DOCK3: variants seen among roughly 807,000 people sequenced by gnomAD.
DOCK3 encodes the protein dedicator of cytokinesis protein 3.
In DOCK3, 60 loss-of-function variants were observed where a neutral mutation model predicts 265.6. That is an observed-to-expected ratio of 0.23 (90% CI 0.18 to 0.28). DOCK3 has a LOEUF of 0.28. Ranked by LOEUF, DOCK3 falls within the 10% of genes least tolerant of loss-of-function variation. DOCK3 has a pLI of 1.00. For missense variants in DOCK3, 1,981 were observed against 2,594.3 expected (o/e 0.76, Z 5.14); for synonymous variants, 881 against 938.0 (o/e 0.94, Z 1.11).
chr3:50,701,868 T>C (rs1472672180), intron 1 of DOCK3, among the ~76,000 whole-genome samples: 3 of 152,202 alleles, frequency 2.0e-5, no homozygotes, highest in Non-Finnish European at 4.4e-5. Flanking sequence ...GAAAATCAGT[T>C]GGCTGTAAAT....
At chr3:51,235,034 G>A (rs142110614) in intron 19 of DOCK3, among the ~76,000 whole-genome samples, 31 of 152,276 alleles carry the variant, frequency 2.0e-4, no homozygotes, top group Admixed American at 1.4e-3. Flanking sequence ...CATCACAAGC[G>A]TCAAATGAAT....
chr3:50,697,869 G>A, intron 1 of DOCK3, among the ~76,000 whole-genome samples: 1 of 151,958 alleles, frequency 6.6e-6, no homozygotes, highest in South Asian at 2.1e-4. Context: ...ATTATATTTG[G>A]TCTTAGGTCC....
chr3:50,726,392 T>C (rs1258721605), intron 1 of DOCK3, among the ~76,000 whole-genome samples: 2 of 152,036 alleles, frequency 1.3e-5, no homozygotes, highest in East Asian at 1.9e-4. Context: ...CTTTGTAAAG[T>C]GTATATTGGA....
At chr3:50,848,093 T>C (rs2046178170) in intron 3 of DOCK3, among the ~76,000 whole-genome samples, 1 of 152,070 alleles carries the variant, frequency 6.6e-6, no homozygotes, top group African/African-American at 2.4e-5. Flanking sequence ...TAAAGTCTCT[T>C]TTATCTGATA....
intron 5 of DOCK3, among the ~76,000 whole-genome samples, chr3:50,970,937 A>ATATATATG (rs2077203666): frequency 1.4e-5 from 1 of 73,104 alleles, no homozygotes; most frequent in Non-Finnish European, 2.6e-5. Flanking sequence ...ATATATATAT[A>ATATATATG]TATATATATA....
At chr3:51,249,983 C>T (rs2079111349) in intron 22 of DOCK3, among the ~76,000 whole-genome samples, 1 of 151,806 alleles carries the variant, frequency 6.6e-6, no homozygotes, top group African/African-American at 2.4e-5. Flanking sequence ...ACCCCCAACC[C>T]TGTGCTCTCT....
At chr3:50,963,290 A>G (rs1233839829) in intron 5 of DOCK3, among the ~76,000 whole-genome samples, 1 of 152,204 alleles carries the variant, frequency 6.6e-6, no homozygotes, top group South Asian at 2.1e-4. Context: ...CAGTGCCTGA[A>G]AAGTTTTGCA....
chr3:50,740,294 A>T (rs571941986), intron 1 of DOCK3, among the ~76,000 whole-genome samples: 1 of 152,052 alleles, frequency 6.6e-6, no homozygotes, highest in Non-Finnish European at 1.5e-5. Flanking sequence ...ATTATTACCA[A>T]TTTTTTTGCT....
chr3:51,218,897 A>G (rs1036214014), intron 14 of DOCK3, among the ~76,000 whole-genome samples: 1 of 152,140 alleles, frequency 6.6e-6, no homozygotes, highest in Non-Finnish European at 1.5e-5. Context: ...GGGACCTGGC[A>G]ATTTGCATCT....
chr3:51,059,031 G>A (rs576376899), intron 5 of DOCK3, among the ~76,000 whole-genome samples: 1 of 152,178 alleles, frequency 6.6e-6, no homozygotes, highest in African/African-American at 2.4e-5. Flanking sequence ...CCTCACACGG[G>A]TAGTGAACAT....
At chr3:51,109,461 T>C (rs1325433210) in intron 9 of DOCK3, among the ~76,000 whole-genome samples, 1 of 151,794 alleles carries the variant, frequency 6.6e-6, no homozygotes, top group Non-Finnish European at 1.5e-5. Flanking sequence ...CTAAAAGAAC[T>C]AGAAAAGCAA....
chr3:51,252,343 A>T (rs1434250794), intron 22 of DOCK3, among the ~76,000 whole-genome samples: 1 of 152,184 alleles, frequency 6.6e-6, no homozygotes, highest in Admixed American at 6.6e-5. Context: ...TTGGCAATGC[A>T]GGCTCTTTCT....
At chr3:51,318,978 A>C (rs2109738985) in intron 32 of DOCK3, among the ~76,000 whole-genome samples, 1 of 152,200 alleles carries the variant, frequency 6.6e-6, no homozygotes, top group South Asian at 2.1e-4. Context: ...TTTTCTATTT[A>C]GACAATCATG....
chr3:51,014,346 T>C (rs1234668332), intron 5 of DOCK3, among the ~76,000 whole-genome samples: 1 of 152,188 alleles, frequency 6.6e-6, no homozygotes, highest in East Asian at 1.9e-4. Flanking sequence ...GTAAGCTTCC[T>C]ATCTAGATTT....
At chr3:51,218,180 T>A (rs1418514893) in intron 14 of DOCK3, among the ~76,000 whole-genome samples, 1 of 151,642 alleles carries the variant, frequency 6.6e-6, no homozygotes, top group African/African-American at 2.4e-5. Context: ...ACGCCTATAA[T>A]CCTAGCACTT....
At chr3:50,824,860 T>G (rs1410962064) in intron 2 of DOCK3, among the ~76,000 whole-genome samples, 1 of 152,236 alleles carries the variant, frequency 6.6e-6, no homozygotes, top group Admixed American at 6.5e-5. Context: ...TTCTCTTACA[T>G]TTATTTCAGT....
At chr3:51,123,506 A>G (rs996166610) in intron 9 of DOCK3, among the ~76,000 whole-genome samples, 9 of 152,206 alleles carry the variant, frequency 5.9e-5, no homozygotes, top group Non-Finnish European at 1.0e-4. Context: ...GACTTATGAC[A>G]GTGATGTAGT....
chr3:51,271,622 T>A (rs994660980), intron 24 of DOCK3, among the ~76,000 whole-genome samples: 1 of 151,988 alleles, frequency 6.6e-6, no homozygotes, highest in Non-Finnish European at 1.5e-5. Context: ...AAAGAGGCCC[T>A]ACAGATCACT....
chr3:50,925,288 G>C (rs574642763), intron 4 of DOCK3, among the ~76,000 whole-genome samples: 2 of 152,280 alleles, frequency 1.3e-5, no homozygotes, highest in Admixed American at 1.3e-4. Flanking sequence ...CTGGTTTCCT[G>C]ATTAGATATT....
Sources: gnomAD v4.1 joint callset for allele counts (sites outside exome capture counted in the v4.1 genomes callset) on GRCh38, gnomAD v4.1.1 for gene constraint, MANE v1.5 for transcripts, NCBI Gene and HGNC (gene_info 2026-07-23, HGNC 2026-07-21) for gene names.